Variants in THRAP3 observed in about 807,000 individuals in gnomAD.
The protein encoded by THRAP3 is thyroid hormone receptor associated protein 3.
THRAP3 carries 16 observed loss-of-function variants against 101.0 expected under a neutral mutation model. The observed-to-expected ratio is 0.16, with a 90% CI of 0.11 to 0.24. The LOEUF (loss-of-function observed/expected upper bound fraction) is 0.24, where lower values mean the gene tolerates loss of function less well. Among genes scored for constraint, THRAP3 ranks in the 10% least tolerant of loss-of-function variants. The probability of loss-of-function intolerance (pLI) is 1.00; values close to 1 mark genes in which losing one functional copy is unlikely to be tolerated. For synonymous variants in THRAP3, 407 were observed against 422.6 expected (o/e 0.96, Z 0.45); for missense variants, 989 against 1,202.7 (o/e 0.82, Z 2.63).
chr1:36,218,137 G>A, the THRAP3 span, among the ~76,000 whole-genome samples: 1 of 151,950 alleles, frequency 6.6e-6, no homozygotes, highest in African/African-American at 2.4e-5. Context: ...GGCCGAAGTG[G>A]GTGGATCACT....
Position 36,288,815 on chromosome 1 carries a change from G to T in THRAP3, c.1041-245G>T, listed in dbSNP as rs1446200563. The T allele has an allele frequency of 6.1e-6, 6 of 985,158 alleles. No homozygotes were observed. In the East Asian group the frequency reaches 5.7e-4, roughly 93 times the overall value. The allele number at this position is 985,158 out of a possible 1,614,324, so 61.0% of individuals were successfully genotyped here. A position where few individuals can be genotyped will look rare whatever the true frequency, so the allele number is the denominator to read the frequency against. ...AAAATAACTTTTGTTGTTCTCTTTG[G>T]TTGCTTTTGTAAGACACAACTCCAT... On this transcript the variant is annotated intron_variant, in intron 4 of 11. Coordinates refer to ENST00000354618, the MANE Select transcript of THRAP3 (RefSeq NM_005119.4).
chr1:36,256,636 A>G (rs1440059659), intron 1 of THRAP3, among the ~76,000 whole-genome samples: 1 of 152,120 alleles, frequency 6.6e-6, no homozygotes, highest in Non-Finnish European at 1.5e-5. Context: ...GGTATTTTGA[A>G]ACATAATTAT....
At chr1:36,277,611 A>G (rs1645677343) in intron 2 of THRAP3, among the ~76,000 whole-genome samples, 2 of 152,132 alleles carry the variant, frequency 1.3e-5, no homozygotes, top group South Asian at 2.1e-4. Flanking sequence ...GGCTCAAGCA[A>G]TCCTCCTGCC....
intron 8 of THRAP3, among the ~76,000 whole-genome samples, chr1:36,295,454 C>A (rs1190358936): frequency 6.6e-6 from 1 of 152,116 alleles, no homozygotes; most frequent in African/African-American, 2.4e-5. Flanking sequence ...TTGTTGAAAG[C>A]CTTTGCTGCA....
chr1:36,263,971 A>G (rs746229444), intron 2 of THRAP3, among the ~76,000 whole-genome samples: 1 of 152,250 alleles, frequency 6.6e-6, no homozygotes, highest in Non-Finnish European at 1.5e-5. Context: ...AGTGTGACAC[A>G]TGCTAATTTA....
At position 36,282,463 on chromosome 1, in the gene THRAP3, A is replaced by G. The variant is rs557313803; in HGVS notation, c.-31-70A>G. 7.1e-6 allele frequency: 8 copies of G among 1,123,210 alleles called. No homozygotes were observed. In the South Asian group the frequency reaches 9.5e-5, roughly 13 times the overall value. 69.6% of individuals were successfully genotyped at this position (1,123,210 alleles called of 1,614,324 possible). ...CCCAGATTAAAAGAAATGTGTTTCT[A>G]AAATGTCCAAAGAGGTTCACATTTG... On this transcript the variant is annotated intron_variant, in intron 2 of 11. Coordinates refer to ENST00000354618, the MANE Select transcript of THRAP3 (RefSeq NM_005119.4).
chr1:36,241,406 T>C (rs1209545958), intron 1 of THRAP3, among the ~76,000 whole-genome samples: 8 of 67,816 alleles, frequency 1.2e-4, no homozygotes, highest in African/African-American at 2.4e-4. Context: ...TATATATATA[T>C]ATATATATAT....
At chr1:36,292,896 C>A (rs560820081) in intron 7 of THRAP3, among the ~76,000 whole-genome samples, 187 bp downstream of exon 7, 1 of 152,136 alleles carries the variant, frequency 6.6e-6, no homozygotes, top group Admixed American at 6.6e-5. Context: ...GGACAACAGT[C>A]TCTCACATTG....
upstream of THRAP3, among the ~76,000 whole-genome samples, chr1:36,220,972 A>AATATATAT (rs1228406695): frequency 1.8e-4 from 17 of 94,122 alleles, no homozygotes; most frequent in African/African-American, 6.2e-4. Context: ...AAAAAAAAAA[A>AATATATAT]ATATATATAT....
chr1:36,223,382 T>C (rs1020332797), upstream of THRAP3, among the ~76,000 whole-genome samples: 3 of 152,156 alleles, frequency 2.0e-5, no homozygotes, highest in Admixed American at 2.0e-4. Context: ...TACTTTTCTC[T>C]GGAGGTGCAG....
chr1:36,272,535 A>G (rs545149757), intron 2 of THRAP3, among the ~76,000 whole-genome samples: 138 of 152,268 alleles, frequency 9.1e-4, no homozygotes, highest in African/African-American at 3.2e-3. Context: ...AAAATAGTAA[A>G]CATGTTTCAT....
intron 7 of THRAP3, among the ~76,000 whole-genome samples, chr1:36,292,924 T>C (rs1645895355): frequency 6.6e-6 from 1 of 151,920 alleles, no homozygotes; most frequent in Non-Finnish European, 1.5e-5. Flanking sequence ...GGAAAACAGC[T>C]CTCTTGACAT....
intron 2 of THRAP3, among the ~76,000 whole-genome samples, chr1:36,260,356 C>T (rs949840068): frequency 1.1e-4 from 16 of 152,208 alleles, no homozygotes; most frequent in African/African-American, 3.9e-4. Context: ...TCCCCACTCC[C>T]CTTCCCAGCC....
intron 8 of THRAP3, chr1:36,294,251 A>G: frequency 1.8e-6 from 2 of 1,121,076 alleles, no homozygotes; most frequent in Non-Finnish European, 2.2e-6. Flanking sequence ...TGTAAGTATT[A>G]TCAAATCAAC....
intron 8 of THRAP3, 69 bp downstream of exon 8, chr1:36,294,004 GT>G (rs1645915592): frequency 6.3e-7 from 1 of 1,575,592 alleles, no homozygotes; most frequent in South Asian, 1.1e-5. Context: ...ACAGAAATGT[GT>G]TTGTTTAAAT....
At chr1:36,258,490 T>TC in intron 1 of THRAP3, among the ~76,000 whole-genome samples, 1 of 152,130 alleles carries the variant, frequency 6.6e-6, no homozygotes, top group Non-Finnish European at 1.5e-5. Context: ...TTTTTTTTTT[T>TC]CTTGAGGCGA....
chr1:36,296,902 C>A, intron 9 of THRAP3, 132 bp downstream of exon 9: 1 of 634,000 alleles, frequency 1.6e-6, no homozygotes, highest in Non-Finnish European at 2.4e-6. Flanking sequence ...TCTTTTAATC[C>A]ATGTAAATGT....
intron 2 of THRAP3, among the ~76,000 whole-genome samples, chr1:36,270,571 G>GTTTTTTTTTTTTTTTT: frequency 3.1e-5 from 1 of 31,906 alleles, no homozygotes; most frequent in African/African-American, 7.0e-5. Flanking sequence ...ATTTGTTTAG[G>GTTTTTTTTTTTTTTTT]TTTTTGTTTT....
chr1:36,243,819 C>CG (rs1438286780), intron 1 of THRAP3, among the ~76,000 whole-genome samples: 3 of 140,510 alleles, frequency 2.1e-5, no homozygotes, highest in South Asian at 2.4e-4. Context: ...GCTGGCCAGG[C>CG]GGGGGGCTGA....
Sources: allele counts gnomAD v4.1 joint callset (sites outside exome capture counted in the v4.1 genomes callset), GRCh38; gene constraint gnomAD v4.1.1; transcripts MANE v1.5; gene names NCBI Gene and HGNC (gene_info 2026-07-23, HGNC 2026-07-21).